The following GNPTAB variants were observed in gnomAD, a reference collection of about 807,000 sequenced individuals.
GNPTAB encodes the protein N-acetylglucosamine-1-phosphotransferase subunits alpha/beta.
Under a neutral mutation model 136.6 loss-of-function variants are expected in GNPTAB, and 92 were observed. That is an observed-to-expected ratio of 0.67 (90% CI 0.57 to 0.80). The LOEUF is 0.80. Ranked by LOEUF, GNPTAB falls within the 30% of genes least tolerant of loss-of-function variation. The probability of loss-of-function intolerance (pLI) is 0.00; values close to 1 mark genes in which losing one functional copy is unlikely to be tolerated. For synonymous variants in GNPTAB, 512 were observed against 535.1 expected (o/e 0.96, Z 0.60); for missense variants, 1,343 against 1,501.8 (o/e 0.89, Z 1.75).
chr12:101,801,825 T>C (rs956288528), intron 1 of GNPTAB, among the ~76,000 whole-genome samples: 6 of 152,054 alleles, frequency 3.9e-5, no homozygotes, highest in Middle Eastern at 6.3e-3. Flanking sequence ...GGAGGATCGA[T>C]TGAAGTCGGG....
intron 6 of GNPTAB, 28 bp downstream of exon 6, chr12:101,780,529 A>AAATGCAAT (rs1381474234): frequency 6.7e-7 from 1 of 1,492,236 alleles, no homozygotes; most frequent in African/African-American, 1.4e-5. Context: ...TCTATTGTAA[A>AAATGCAAT]AATGCAATTA....
At chr12:101,793,131 A>G (rs1442679914) in intron 2 of GNPTAB, among the ~76,000 whole-genome samples, 3 of 152,134 alleles carry the variant, frequency 2.0e-5, no homozygotes, top group Non-Finnish European at 4.4e-5. Flanking sequence ...AGTTCCTCCT[A>G]CATGGGTGGG....
At chr12:101,828,688 T>A (rs748272119) in intron 1 of GNPTAB, among the ~76,000 whole-genome samples, 2 of 151,098 alleles carry the variant, frequency 1.3e-5, no homozygotes, top group South Asian at 4.2e-4. Flanking sequence ...AGACTCCATC[T>A]CAAAAAACAA....
At chr12:101,761,408 T>G in intron 14 of GNPTAB, 62 bp from the exon 15 acceptor site, 2 of 1,526,640 alleles carry the variant, frequency 1.3e-6, no homozygotes, top group South Asian at 2.2e-5. Context: ...ATCTAACATT[T>G]GCAGAGATGG....
intron 7 of GNPTAB, among the ~76,000 whole-genome samples, chr12:101,776,090 G>A (rs980589338): frequency 3.3e-5 from 5 of 152,000 alleles, no homozygotes; most frequent in African/African-American, 1.2e-4. Context: ...TTGAGGGCAG[G>A]GTCTACATCT....
Position 101,764,573 on chromosome 12 carries a change from A to T in GNPTAB, c.2344T>A (p.Ser782Thr), listed in dbSNP as rs1566073809. The change falls in exon 13 of 21, where the codon TCT becomes ACT. Residue 782 changes from serine to threonine, a missense_variant. Physicochemically the swap from Ser to Thr is moderately conservative, Grantham distance 58. Transcript: ENST00000299314. ...KSILPNSLGV[S>T]ERLQRLTFPA... ...AAAGTCAACCTCTGCAATCTTTCAG[A>T]CACTCCTAAGCTGTTTGGCAAGATG... 1 of 1,613,480 alleles carries T rather than the reference A, an allele frequency of 6.2e-7. No homozygotes were observed. The highest frequency in any genetic ancestry group is 1.7e-5 in the Admixed American group (1 of 59,840).
intron 4 of GNPTAB, among the ~76,000 whole-genome samples, chr12:101,787,464 A>C (rs2137146364): frequency 6.6e-6 from 1 of 152,310 alleles, no homozygotes; most frequent in South Asian, 2.1e-4. Context: ...AGATTTATAA[A>C]ATTTTGTGAG....
chr12:101,804,860 A>G (rs966740112), intron 1 of GNPTAB, among the ~76,000 whole-genome samples: 2 of 152,366 alleles, frequency 1.3e-5, no homozygotes, highest in Middle Eastern at 6.8e-3. Context: ...ACTTAACCCT[A>G]AATTTCAACT....
At chr12:101,820,240 A>G (rs1051008894) in intron 1 of GNPTAB, among the ~76,000 whole-genome samples, 1 of 152,254 alleles carries the variant, frequency 6.6e-6, no homozygotes, top group Admixed American at 6.5e-5. Flanking sequence ...ATATTCACTT[A>G]AGAACTACAA....
In GNPTAB at chr12:101,745,790, T is replaced by C. The variant is rs1000555828; in HGVS notation, c.*1374A>G. 4 of 152,204 alleles carry C rather than the reference T, an allele frequency of 2.6e-5. No individual in the cohort carries two copies. The highest frequency in any genetic ancestry group is 2.0e-4 in the Admixed American group (3 of 15,284). 9.4% of individuals were successfully genotyped at this position (152,204 alleles called of 1,614,324 possible). ...GGCTTATGCCTGTAATCTCAGCACTTTGGGAGGCAGAGGCAGGTGGATCAC... is the reference window on the plus strand; with the variant it reads ...GGCTTATGCCTGTAATCTCAGCACTCTGGGAGGCAGAGGCAGGTGGATCAC... On this transcript the variant is annotated 3_prime_UTR_variant, in exon 21 of 21. Transcript: ENST00000299314.
chr12:101,746,885 CTT>C lies in GNPTAB; in HGVS notation c.*277_*278del, dbSNP rs1409356886. 2.6e-6 allele frequency: 1 copy of C among 383,652 alleles called. No individual in the cohort carries two copies. The highest frequency in any genetic ancestry group is 4.8e-6 in the Non-Finnish European group (1 of 208,064). The allele number at this position is 383,652 out of a possible 1,614,324, so 23.8% of individuals were successfully genotyped here. A position where few individuals can be genotyped will look rare whatever the true frequency, so the allele number is the denominator to read the frequency against. ...TGCTGTGGGAAATTAACAGCTGTCTCTTGTCAGTGAGCCTTTTTATAAAAAGG... is the reference window on the plus strand; with the variant it reads ...TGCTGTGGGAAATTAACAGCTGTCTCGTCAGTGAGCCTTTTTATAAAAAGG... On this transcript the variant is annotated 3_prime_UTR_variant, in exon 21 of 21. Coordinates refer to ENST00000299314, the MANE Select transcript of GNPTAB (RefSeq NM_024312.5).
In GNPTAB at chr12:101,753,493, C is replaced by A. The variant is rs756642388; in HGVS notation, c.3481G>T (p.Ala1161Ser). The part of the protein sequence containing the change: ...NDNIDHNHKD[A>S]QTVKAVLRDF... ...CTGAGAACAGCCTTCACTGTCTGAG[C>A]ATCTTTATGATTGTGGTCAATGTTG... The change falls in exon 19 of 21, where the codon GCT becomes TCT. Residue 1161 changes from alanine (A) to serine (S), a missense_variant. By Grantham distance (99) the Ala-to-Ser change is moderately conservative (BLOSUM62 1). Transcript: ENST00000299314. 3.1e-6 allele frequency: 5 copies of A among 1,613,876 alleles called. No individual in the cohort carries two copies. The highest frequency in any genetic ancestry group is 4.2e-6 in the Non-Finnish European group (5 of 1,179,800).
chr12:101,780,448 C>A, intron 6 of GNPTAB, 109 bp downstream of exon 6: 1 of 1,074,676 alleles, frequency 9.3e-7, no homozygotes, highest in South Asian at 1.4e-5. Flanking sequence ...GTAAGCTACC[C>A]TTAGATAAAA....
chr12:101,821,057 C>CAAAA (rs57630700), intron 1 of GNPTAB, among the ~76,000 whole-genome samples: 2 of 28,634 alleles, frequency 7.0e-5, no homozygotes, highest in Admixed American at 4.2e-4. Flanking sequence ...GACTCCGTCT[C>CAAAA]AAAAAAAAAA....
At chr12:101,754,299 T>A (rs11110998) in intron 18 of GNPTAB, among the ~76,000 whole-genome samples, 1 of 151,620 alleles carries the variant, frequency 6.6e-6, no homozygotes. Flanking sequence ...TGTGGTGGCA[T>A]GCCTGTAATC....
chr12:101,754,593 G>A (rs1169049143), intron 18 of GNPTAB, among the ~76,000 whole-genome samples: 2 of 152,140 alleles, frequency 1.3e-5, no homozygotes, highest in African/African-American at 4.8e-5. Flanking sequence ...CAAGCTGTAA[G>A]ATGCTACAGT....
chr12:101,785,252 C>T (rs919336440), intron 5 of GNPTAB, among the ~76,000 whole-genome samples: 1 of 152,180 alleles, frequency 6.6e-6, no homozygotes, highest in African/African-American at 2.4e-5. Context: ...GGCAAGGCCT[C>T]GTTCTACTGT....
At position 101,830,869 on chromosome 12, in the gene GNPTAB, G is replaced by GGGAGCCC. The variant is rs1489395745; in HGVS notation, c.-201_-195dup. 6.5e-6 allele frequency: 1 copy of GGGAGCCC among 152,822 alleles called. No individual in the cohort carries two copies. The highest frequency in any genetic ancestry group is 1.4e-5 in the Non-Finnish European group (1 of 69,530). The allele number at this position is 152,822 out of a possible 1,614,324, so 9.5% of individuals were successfully genotyped here. On this transcript the variant is annotated 5_prime_UTR_variant, in exon 1 of 21. Transcript: ENST00000299314. ...GCCGCGGCCGCCGCTTCCGGGAGCC[G>GGGAGCCC]GGAGCCCACGCCCTCGGCGCGGCGG...
At chr12:101,788,955 G>A (rs1250953251) in intron 3 of GNPTAB, among the ~76,000 whole-genome samples, 1 of 152,162 alleles carries the variant, frequency 6.6e-6, no homozygotes, top group Non-Finnish European at 1.5e-5. Context: ...TAAATAAAAT[G>A]ACCAATCTCA....
Sources: allele counts gnomAD v4.1 joint callset (sites outside exome capture counted in the v4.1 genomes callset), GRCh38; gene constraint gnomAD v4.1.1; transcripts MANE v1.5; gene names NCBI Gene and HGNC (gene_info 2026-07-23, HGNC 2026-07-21).